The following DAAM2 variants were observed in gnomAD, a reference collection of about 807,000 sequenced individuals.
DAAM2 encodes the protein dishevelled associated activator of morphogenesis 2, also known as disheveled-associated activator of morphogenesis 2.
A neutral mutation model predicts 120.7 loss-of-function variants in DAAM2; 39 were observed. The ratio of observed to expected loss-of-function variants is 0.32; its 90% CI spans 0.25 to 0.42. DAAM2 has a LOEUF of 0.42. Ranked by LOEUF, DAAM2 falls within the 10% of genes least tolerant of loss-of-function variation. DAAM2 has a pLI of 1.00. For synonymous variants in DAAM2, 488 were observed against 524.9 expected (o/e 0.93, Z 0.96); for missense variants, 1,283 against 1,401.7 (o/e 0.92, Z 1.35).
At position 39,875,423 on chromosome 6, in the gene DAAM2, A is replaced by T. The variant is rs755456141; in HGVS notation, c.1256A>T (p.Asp419Val). ...VLQDERGVDP[D>V]LAPLENFNVK... ...CAGGATGAGCGGGGTGTGGACCCTG[A>T]CCTGGCTCCCTTGGAGAACTTCAAT... Residue 419 changes from aspartate (D) to valine (V), a missense_variant, in exon 11 of 25, where the codon GAC (aspartate) becomes GTC (valine). Asp to Val is a radical substitution (Grantham distance 152). Around this residue, in one of 3 missense-constraint regions of DAAM2, gnomAD observed 338 missense variants for 443.9 expected, o/e 0.76. Coordinates refer to ENST00000274867, the MANE Select transcript of DAAM2 (RefSeq NM_001201427.2). 1.2e-6 allele frequency: 2 copies of T among 1,613,928 alleles called. No homozygotes were observed. The highest frequency in any genetic ancestry group is 1.7e-6 in the Non-Finnish European group (2 of 1,179,862).
At position 39,904,406 on chromosome 6, in the gene DAAM2, G is replaced by A. The variant is rs1187653384; in HGVS notation, c.*2369G>A. ...TAAGAAGGGGCTGGTGCCCAGTCGG[G>A]GTGGCTGAGCTGGTCCTTAATAGGT... is the stretch of plus-strand genomic sequence containing the variant. On this transcript the variant is annotated 3_prime_UTR_variant, in exon 25 of 25. Transcript: ENST00000274867. 2.2e-6 allele frequency: 1 copy of A among 455,692 alleles called. No individual in the cohort carries two copies. The highest frequency in any genetic ancestry group is 4.4e-6 in the Non-Finnish European group (1 of 226,970). The allele number at this position is 455,692 out of a possible 1,614,324, so 28.2% of individuals were successfully genotyped here.
rs555688249 is a variant in DAAM2, at chr6:39,847,037, G to C, written c.-56-9210G>C. On this transcript the variant is annotated intron_variant, in intron 1 of 24. Transcript: ENST00000274867. ...CTGAGGAGATGGACTGTGCCTGTGG[G>C]TCCTGAGGCAGGAGCAGGGGCCTTT... is the stretch of plus-strand genomic sequence containing the variant. 1.1e-4 allele frequency among the ~76,000 whole-genome samples: 17 copies of C among 152,274 alleles called. No individual in the cohort carries two copies. The East Asian group carries it at 3.1e-3, about 28-fold the overall frequency.
chr6:39,808,160 T>A (rs185360843), intron 1 of DAAM2, among the ~76,000 whole-genome samples: 1 of 152,084 alleles, frequency 6.6e-6, no homozygotes, highest in Non-Finnish European at 1.5e-5. Flanking sequence ...GTCGTAGTAG[T>A]ATAGGTTGGT....
At chr6:39,841,043 G>A (rs936091427) in intron 1 of DAAM2, among the ~76,000 whole-genome samples, 3 of 136,656 alleles carry the variant, frequency 2.2e-5, no homozygotes, top group African/African-American at 8.3e-5. Context: ...GGAAGCTCCA[G>A]GGGCAGGGTT....
intron 19 of DAAM2, among the ~76,000 whole-genome samples, chr6:39,892,765 C>A (rs532858891): frequency 6.6e-6 from 1 of 152,250 alleles, no homozygotes; most frequent in African/African-American, 2.4e-5. Flanking sequence ...CAGAGAGCAA[C>A]CCTTCCTGAA....
chr6:39,886,414 T>C (rs1308199798), intron 15 of DAAM2: 4 of 399,168 alleles, frequency 1.0e-5, no homozygotes, highest in Non-Finnish European at 1.8e-5. Flanking sequence ...CTGTGGCTGC[T>C]GCCTAGGAGC....
At chr6:39,800,035 A>G (rs1260331970) in intron 1 of DAAM2, among the ~76,000 whole-genome samples, 1 of 152,006 alleles carries the variant, frequency 6.6e-6, no homozygotes, top group Non-Finnish European at 1.5e-5. Context: ...GATGTAACTC[A>G]TTTTTATTTT....
intron 1 of DAAM2, among the ~76,000 whole-genome samples, chr6:39,827,878 G>A (rs999074884): frequency 1.3e-5 from 2 of 152,052 alleles, no homozygotes; most frequent in Admixed American, 6.5e-5. Flanking sequence ...CTGCCCTGCC[G>A]CTCACACTTC....
At chr6:39,869,031 T>A in intron 7 of DAAM2, 98 bp downstream of exon 7, 1 of 942,076 alleles carries the variant, frequency 1.1e-6, no homozygotes, top group Non-Finnish European at 1.7e-6. Context: ...TTTTTGCTAT[T>A]AAACCTGGGA....
At chr6:39,822,896 CT>C in intron 1 of DAAM2, 1 of 152,260 alleles carries the variant, frequency 6.6e-6, no homozygotes, top group Non-Finnish European at 1.5e-5. Flanking sequence ...AGCCAGAGCC[CT>C]TCACACTGGG....
At chr6:39,834,004 A>G (rs532754573) in intron 1 of DAAM2, among the ~76,000 whole-genome samples, 5 of 152,258 alleles carry the variant, frequency 3.3e-5, no homozygotes, top group Middle Eastern at 3.4e-3. Context: ...GCAGCTTGTT[A>G]GTGGCAGAGC....
chr6:39,838,118 T>C (rs1271467982), intron 1 of DAAM2, among the ~76,000 whole-genome samples: 1 of 152,228 alleles, frequency 6.6e-6, no homozygotes, highest in African/African-American at 2.4e-5. Flanking sequence ...GTTAAGCATG[T>C]CTGGGCTCTA....
intron 2 of DAAM2, among the ~76,000 whole-genome samples, chr6:39,858,740 C>G (rs1764102268): frequency 6.6e-6 from 1 of 152,060 alleles, no homozygotes; most frequent in East Asian, 1.9e-4. Flanking sequence ...CAGTGGGGCC[C>G]TAGGGTCTGG....
chr6:39,839,197 T>A (rs1438046252), intron 1 of DAAM2, among the ~76,000 whole-genome samples: 1 of 152,140 alleles, frequency 6.6e-6, no homozygotes, highest in East Asian at 1.9e-4. Flanking sequence ...GGATAGAAAG[T>A]GTGAATTGTT....
intron 1 of DAAM2, among the ~76,000 whole-genome samples, chr6:39,802,311 G>A (rs894556978): frequency 1.3e-5 from 2 of 152,222 alleles, no homozygotes; most frequent in African/African-American, 4.8e-5. Context: ...GATTCAGATG[G>A]CCTGGATTCT....
At chr6:39,898,124 T>C (rs1284399963) in intron 21 of DAAM2, among the ~76,000 whole-genome samples, 7 of 152,236 alleles carry the variant, frequency 4.6e-5, no homozygotes, top group Non-Finnish European at 8.8e-5. Context: ...CAAACATTAT[T>C]AAGCCAGTTA....
At chr6:39,850,728 A>C (rs140828944) in intron 1 of DAAM2, among the ~76,000 whole-genome samples, 141 of 152,280 alleles carry the variant, frequency 9.3e-4, no homozygotes, top group Middle Eastern at 6.8e-3. Context: ...TAATGCAGAA[A>C]ATTATCAGTA....
intron 1 of DAAM2, among the ~76,000 whole-genome samples, chr6:39,828,048 A>C (rs559787434): frequency 3.9e-5 from 6 of 152,194 alleles, no homozygotes; most frequent in African/African-American, 1.4e-4. Flanking sequence ...CTGTGCTCCC[A>C]CAGGCCTGTC....
At chr6:39,844,392 A>ACC (rs1491031447) in intron 1 of DAAM2, among the ~76,000 whole-genome samples, 1 of 151,058 alleles carries the variant, frequency 6.6e-6, no homozygotes, top group Non-Finnish European at 1.5e-5. Context: ...ACACACACAC[A>ACC]CCCCACCCAG....
Sources: allele counts gnomAD v4.1 joint callset (sites outside exome capture counted in the v4.1 genomes callset), GRCh38; gene constraint gnomAD v4.1.1; regional missense constraint gnomAD v4.1.1; transcripts MANE v1.5; gene names NCBI Gene and HGNC (gene_info 2026-07-23, HGNC 2026-07-21).